The following CALR3 variants were observed in gnomAD, a reference collection of about 807,000 sequenced individuals.
CALR3 encodes the protein calreticulin 3, also known as calreticulin-3.
CALR3 carries 39 observed loss-of-function variants against 48.7 expected under a neutral mutation model. The ratio of observed to expected loss-of-function variants is 0.80; its 90% CI spans 0.62 to 1.05. The LOEUF (loss-of-function observed/expected upper bound fraction) is 1.05. CALR3 is among the 50% of genes least tolerant of loss of function. The pLI, the probability that CALR3 is intolerant of heterozygous loss-of-function variation, is 0.00. For synonymous variants in CALR3, 185 were observed against 172.7 expected, an observed-to-expected ratio of 1.07 and a Z score of -0.56; for missense variants, 449 against 474.7, an observed-to-expected ratio of 0.95 and a Z score of 0.50.
At chr19:16,494,231 T>C (rs1238454603) in intron 2 of CALR3, among the ~76,000 whole-genome samples, 2 of 152,032 alleles carry the variant, frequency 1.3e-5, no homozygotes, top group Non-Finnish European at 2.9e-5. Flanking sequence ...TGGCTAACTT[T>C]TTTGTATTTT....
rs764073211 is a variant in CALR3 at position 16,496,165 on chromosome 19, C to G, written c.-36G>C. 3.3e-5 allele frequency: 50 copies of G among 1,535,956 alleles called. 1 individual carries two copies. The highest frequency in any genetic ancestry group is 9.5e-5 in the Admixed American group (5 of 52,520). ...ACTGCGCTTCCGGTCGCCGCCACCC[C>G]TTAGCTCCCAGCTCTCTCTGCGGCT... On this transcript the variant is annotated 5_prime_UTR_variant, in exon 1 of 9. Transcript: ENST00000269881.
chr19:16,491,947 G>A (rs566996430), intron 2 of CALR3, among the ~76,000 whole-genome samples: 222 of 151,796 alleles, frequency 1.5e-3, no homozygotes, highest in African/African-American at 5.1e-3. Flanking sequence ...TCCTGCCTCA[G>A]CCTCCTGAGT....
At chr19:16,485,610 G>A (rs770771161) in intron 3 of CALR3, among the ~76,000 whole-genome samples, 34 of 151,646 alleles carry the variant, frequency 2.2e-4, no homozygotes, top group Non-Finnish European at 3.7e-4. Context: ...GAAACACCAC[G>A]TGCAGTCCAT....
chr19:16,484,120 A>C lies in CALR3; in HGVS notation c.493-5T>G, dbSNP rs1212588836. The stretch of plus-strand genomic sequence containing the variant: ...CAGGTGTGTGAAGCCATCAACCTGC[A>C]TATTTTAGGGGGAAAAGCGTAACAA... On this transcript the variant is annotated splice_polypyrimidine_tract_variant and splice_region_variant and intron_variant, in intron 4 of 8. Coordinates refer to ENST00000269881, the MANE Select transcript of CALR3 (RefSeq NM_145046.5). 6.2e-7 allele frequency: 1 copy of C among 1,611,014 alleles called. No homozygotes were observed. Among genetic ancestry groups the C allele is most frequent in the Non-Finnish European group, 8.5e-7 (1 of 1,178,634 alleles).
intron 2 of CALR3, among the ~76,000 whole-genome samples, chr19:16,495,088 T>C: frequency 6.6e-6 from 1 of 151,906 alleles, no homozygotes; most frequent in Non-Finnish European, 1.5e-5. Flanking sequence ...TAGCAGGGCA[T>C]GGTGGCGCAC....
intron 2 of CALR3, among the ~76,000 whole-genome samples, chr19:16,494,114 G>A (rs887707945): frequency 6.6e-6 from 1 of 152,174 alleles, no homozygotes; most frequent in Admixed American, 6.6e-5. Context: ...AGGCTGGAGT[G>A]CAGTGGTACA....
chr19:16,487,013 TTTA>T (rs2093390101), intron 3 of CALR3, among the ~76,000 whole-genome samples: 1 of 152,164 alleles, frequency 6.6e-6, no homozygotes, highest in African/African-American at 2.4e-5. Context: ...TATTTATTTA[TTTA>T]TTTATTTCGG....
chr19:16,483,966 C>T lies in CALR3; in HGVS notation c.642G>A (p.Ser214=), dbSNP rs200669493. ...TGTCTTTAGTCTGTTCCCAATCCTT[C>T]GATTCTGCCGGGGACGTTTCCTTCT... ...SLKKETSPAE[S]KDWEQTKDNK... is the part of the protein sequence containing the mutation. The change falls in exon 5 of 9, where the codon TCG becomes TCA. Residue 214 remains serine (S), a synonymous_variant. Coordinates refer to ENST00000269881, the MANE Select transcript of CALR3 (RefSeq NM_145046.5). 20 of 1,613,994 alleles carry T rather than the reference C, an allele frequency of 1.2e-5. No homozygotes were observed. Among genetic ancestry groups the T allele is most frequent in the Middle Eastern group, 1.6e-4 (1 of 6,062 alleles).
intron 2 of CALR3, among the ~76,000 whole-genome samples, chr19:16,494,000 G>A (rs1176183899): frequency 1.3e-5 from 2 of 152,126 alleles, no homozygotes; most frequent in East Asian, 3.9e-4. Flanking sequence ...AAAAGTAAAA[G>A]CTCATTGTGT....
At chr19:16,494,712 T>C (rs1002499795) in intron 2 of CALR3, among the ~76,000 whole-genome samples, 4 of 152,150 alleles carry the variant, frequency 2.6e-5, no homozygotes, top group Non-Finnish European at 5.9e-5. Flanking sequence ...CCCACTAACC[T>C]TTTCCTTCTG....
chr19:16,484,714 C>T (rs1301462933), intron 4 of CALR3, among the ~76,000 whole-genome samples: 1 of 151,932 alleles, frequency 6.6e-6, no homozygotes, highest in Non-Finnish European at 1.5e-5. Flanking sequence ...GACAAGATTT[C>T]GCCATGTTGC....
At chr19:16,487,803 G>A (rs1251848015) in intron 3 of CALR3, among the ~76,000 whole-genome samples, 1 of 148,924 alleles carries the variant, frequency 6.7e-6, no homozygotes, top group Non-Finnish European at 1.5e-5. Flanking sequence ...ACCACGCCCA[G>A]CTAATTTTCA....
At chr19:16,483,793 A>G in intron 5 of CALR3, 137 bp downstream of exon 5, 2 of 755,374 alleles carry the variant, frequency 2.6e-6, no homozygotes, top group Non-Finnish European at 4.6e-6. Flanking sequence ...GCTGGTCTGC[A>G]GTGTGTGCTC....
Position 16,495,531 on chromosome 19 carries a change from C to T in CALR3, c.193+220G>A, listed in dbSNP as rs572606681. Among the ~76,000 whole-genome samples the T allele has an allele frequency of 2.8e-5, 4 of 142,934 alleles. No homozygotes were observed. In the East Asian group the frequency reaches 8.1e-4, roughly 29 times the overall value. 93.8% of individuals were successfully genotyped at this position (142,934 alleles called of 152,430 possible). A position where few individuals can be genotyped will look rare whatever the true frequency, so the allele number is the denominator to read the frequency against. ...CCGAAATCGCGCCACTGCACTCCAG[C>T]CTGGGCAACAGAGCAAGGCTCCGTC... On this transcript the variant is annotated intron_variant, in intron 2 of 8. Transcript: ENST00000269881.
rs2122154311 is a variant in CALR3 at position 16,495,869 on chromosome 19, A to T, written c.92-17T>A. The stretch of plus-strand genomic sequence containing the variant: ...TCCAATGCTCTGTGGGGAAGGGGAA[A>T]TAACACCGGTTAGAGGTGATAATGG... On this transcript the variant is annotated splice_polypyrimidine_tract_variant and intron_variant, in intron 1 of 8. Transcript: ENST00000269881. 6.2e-7 allele frequency: 1 copy of T among 1,609,238 alleles called. No individual in the cohort carries two copies. The highest frequency in any genetic ancestry group is 2.2e-5 in the East Asian group (1 of 44,868).
At position 16,485,169 on chromosome 19, in the gene CALR3, C is replaced by G; in HGVS notation, c.486G>C (p.Arg162Ser). Residue 162 changes from arginine to serine, a missense_variant, in exon 4 of 9, where the codon AGG becomes AGC. Physicochemically the swap from Arg to Ser is moderately radical, Grantham distance 110. Coordinates refer to ENST00000269881, the MANE Select transcript of CALR3 (RefSeq NM_145046.5). ...NKYHENKKLI[R>S]CKVDGFTHLY... The stretch of plus-strand genomic sequence containing the variant: ...TGAATACAAGAGCAGTTACCTTACA[C>G]CTGATCAGTTTCTTGTTTTCGTGAT... 1.3e-6 allele frequency: 2 copies of G among 1,593,406 alleles called. No individual in the cohort carries two copies. The highest frequency in any genetic ancestry group is 1.7e-5 in the Admixed American group (1 of 59,924).
At chr19:16,479,933 G>C (rs889856506) in intron 8 of CALR3, among the ~76,000 whole-genome samples, 4 of 151,962 alleles carry the variant, frequency 2.6e-5, no homozygotes, top group Non-Finnish European at 5.9e-5. Context: ...GGCTGGGCGC[G>C]GTGGCTCACA....
At chr19:16,495,158 G>A (rs138266746) in intron 2 of CALR3, among the ~76,000 whole-genome samples, 174 of 151,528 alleles carry the variant, frequency 1.1e-3, no homozygotes, top group African/African-American at 3.9e-3. Context: ...CCCGGGAGAC[G>A]GAGGTTTGAG....
At position 16,490,423 on chromosome 19, in the gene CALR3, G is replaced by T. The variant is rs1282894270; in HGVS notation, c.341C>A (p.Pro114His). 2 of 1,614,134 alleles carry T rather than the reference G, an allele frequency of 1.2e-6. No individual in the cohort carries two copies. The highest frequency in any genetic ancestry group is 1.1e-5 in the South Asian group (1 of 91,088). The change falls in exon 3 of 9, where the codon CCT (proline) becomes CAT (histidine). Residue 114 changes from proline to histidine, a missense_variant. Transcript: ENST00000269881. Reference sequence around the variant, plus strand: ...CAGGTTCTTCTGGTCAATGTCTGCAGGAAAGACCTTAATGTAGCCCCCTCC... The same window carrying T: ...CAGGTTCTTCTGGTCAATGTCTGCATGAAAGACCTTAATGTAGCCCCCTCC... ...DCGGGYIKVFPADIDQKNLNG... is the reference protein window; with the variant it reads ...DCGGGYIKVFHADIDQKNLNG...
Sources: gnomAD v4.1 joint callset for allele counts (sites outside exome capture counted in the v4.1 genomes callset) on GRCh38, gnomAD v4.1.1 for gene constraint, MANE v1.5 for transcripts, NCBI Gene and HGNC (gene_info 2026-07-23, HGNC 2026-07-21) for gene names.